The following ZRANB1 variants were observed in gnomAD, a reference collection of about 807,000 sequenced individuals.
The protein encoded by ZRANB1 is zinc finger RANBP2-type containing 1.
Under a neutral mutation model 80.5 loss-of-function variants are expected in ZRANB1, and 16 were observed. That is an observed-to-expected ratio of 0.20 (90% CI 0.13 to 0.30). The LOEUF (loss-of-function observed/expected upper bound fraction) is 0.30, where lower values mean the gene tolerates loss of function less well. Ranked by LOEUF, ZRANB1 falls within the 10% of genes least tolerant of loss-of-function variation. The pLI is 1.00. For missense variants in ZRANB1, 576 were observed against 862.6 expected (o/e 0.67, Z 4.16); for synonymous variants, 291 against 293.1 (o/e 0.99, Z 0.07).
At chr10:124,947,185 A>G (rs1335918892) in intron 1 of ZRANB1, among the ~76,000 whole-genome samples, 1 of 152,172 alleles carries the variant, frequency 6.6e-6, no homozygotes, top group Non-Finnish European at 1.5e-5. Flanking sequence ...GCTGTGCCAA[A>G]ACCTGATATC....
chr10:124,928,655 A>T, the ZRANB1 span, among the ~76,000 whole-genome samples: 1 of 152,364 alleles, frequency 6.6e-6, no homozygotes, highest in Admixed American at 6.5e-5. Context: ...TTAAACGTAT[A>T]CGAAATGTTG....
intron 5 of ZRANB1, among the ~76,000 whole-genome samples, chr10:124,977,556 C>T (rs938691741): frequency 2.6e-5 from 4 of 151,398 alleles, no homozygotes; most frequent in African/African-American, 9.7e-5. Flanking sequence ...CCAAAAAATA[C>T]AAAATTTAGC....
intron 1 of ZRANB1, among the ~76,000 whole-genome samples, chr10:124,944,097 CATAGG>C (rs1951559898): frequency 6.6e-6 from 1 of 152,136 alleles, no homozygotes; most frequent in East Asian, 1.9e-4. Flanking sequence ...AGGACAGAGA[CATAGG>C]AGAGCAGAGT....
chr10:124,934,217 G>A, the ZRANB1 span, among the ~76,000 whole-genome samples: 1 of 152,274 alleles, frequency 6.6e-6, no homozygotes, highest in African/African-American at 2.4e-5. Context: ...AGGTCACCCT[G>A]GCAGGTGTTA....
chr10:124,945,185 A>G (rs568866825), intron 1 of ZRANB1: 1 of 152,354 alleles, frequency 6.6e-6, no homozygotes, highest in East Asian at 1.9e-4. Context: ...GTGTTGTTCC[A>G]GAACATTTTC....
chr10:124,981,222 T>G (rs1951929618), intron 5 of ZRANB1, among the ~76,000 whole-genome samples: 1 of 152,206 alleles, frequency 6.6e-6, no homozygotes, highest in African/African-American at 2.4e-5. Context: ...TTTGAATTAT[T>G]AGGTGATCAT....
chr10:124,976,852 G>A (rs1013341692), intron 5 of ZRANB1, among the ~76,000 whole-genome samples: 3 of 151,216 alleles, frequency 2.0e-5, no homozygotes, highest in Non-Finnish European at 3.0e-5. Flanking sequence ...GATTACAGGC[G>A]TGAGCCACCG....
rs529912080 is a variant in ZRANB1 at position 124,947,247 on chromosome 10, T to C, written c.814+3940T>C. ...AGGGTGGTAAAGGTAGAGGTGTGAATGTAAATGTACAGTTGTCTCTGGAAT... is the reference window on the plus strand; with the variant it reads ...AGGGTGGTAAAGGTAGAGGTGTGAACGTAAATGTACAGTTGTCTCTGGAAT... On this transcript the variant is annotated intron_variant, in intron 1 of 8. Coordinates refer to ENST00000359653, the MANE Select transcript of ZRANB1 (RefSeq NM_017580.3). Among the ~76,000 whole-genome samples the C allele has an allele frequency of 2.8e-4, 42 of 152,290 alleles. No individual in the cohort carries two copies. The South Asian group carries it at 7.9e-3, about 29-fold the overall frequency.
the ZRANB1 span, among the ~76,000 whole-genome samples, chr10:124,927,257 G>A: frequency 6.6e-6 from 1 of 152,286 alleles, no homozygotes; most frequent in East Asian, 1.9e-4. Flanking sequence ...GCCCGGCCCT[G>A]TAATTCTCAA....
At chr10:124,965,617 A>AT (rs545610796) in intron 1 of ZRANB1, among the ~76,000 whole-genome samples, 10 of 152,266 alleles carry the variant, frequency 6.6e-5, no homozygotes, top group African/African-American at 1.2e-4. Flanking sequence ...CACTAAGAAT[A>AT]TTTTTTTACC....
intron 1 of ZRANB1, among the ~76,000 whole-genome samples, chr10:124,949,750 T>C (rs1035025589): frequency 6.6e-6 from 1 of 152,164 alleles, no homozygotes; most frequent in African/African-American, 2.4e-5. Context: ...TTCAGACTCC[T>C]GGACTCAAGT....
intron 5 of ZRANB1, among the ~76,000 whole-genome samples, chr10:124,974,631 T>G (rs1386320268): frequency 6.6e-6 from 1 of 152,250 alleles, no homozygotes; most frequent in Admixed American, 6.5e-5. Context: ...TTTTGCTAAA[T>G]TTTAAAATAG....
chr10:124,934,741 A>G, the ZRANB1 span, among the ~76,000 whole-genome samples: 1 of 152,192 alleles, frequency 6.6e-6, no homozygotes, highest in African/African-American at 2.4e-5. Context: ...TAGGGGAGAG[A>G]TCCAACTTGG....
intron 1 of ZRANB1, among the ~76,000 whole-genome samples, chr10:124,944,592 C>G (rs902622965): frequency 1.4e-4 from 21 of 148,802 alleles, no homozygotes; most frequent in African/African-American, 5.0e-4. Context: ...TTCAAGTGAC[C>G]TGCCATCTCA....
At chr10:124,927,620 A>T in the ZRANB1 span, among the ~76,000 whole-genome samples, 2 of 152,252 alleles carry the variant, frequency 1.3e-5, no homozygotes, top group Non-Finnish European at 1.5e-5. Flanking sequence ...AATGATTAAT[A>T]AGCAATGTTT....
the ZRANB1 span, among the ~76,000 whole-genome samples, chr10:124,918,435 CCGCCT>C: frequency 6.6e-6 from 1 of 152,196 alleles, no homozygotes; most frequent in Non-Finnish European, 1.5e-5. Flanking sequence ...GGTGATCTGC[CCGCCT>C]CGGCCTTCCA....
At chr10:124,937,006 G>A in the ZRANB1 span, among the ~76,000 whole-genome samples, 1 of 152,028 alleles carries the variant, frequency 6.6e-6, no homozygotes, top group Non-Finnish European at 1.5e-5. Context: ...CCGGGCTGGA[G>A]TGCAGTGGCG....
rs141774861 is a variant in ZRANB1, at chr10:124,968,103, G to A, written c.1002+1322G>A. ...AGAAAGGTGGGGTTTCACCATGTTG[G>A]CTAGGCTGGTCTTGAACTCCTGACC... On this transcript the variant is annotated intron_variant, in intron 2 of 8. Transcript: ENST00000359653. Among the ~76,000 whole-genome samples, 1,168 of 152,168 alleles carry A rather than the reference G, an allele frequency of 7.7e-3. 19 individuals carry two copies. The highest frequency in any genetic ancestry group is 0.027 in the African/African-American group (1,111 of 41,490).
chr10:124,983,355 C>T lies in ZRANB1; in HGVS notation c.1678+51C>T, dbSNP rs764865253. ...ACAAGTTTCTTTGAACGGAATGGCT[C>T]AGATGTCAGGAAGGAGCAGTGGACA... On this transcript the variant is annotated intron_variant, in intron 7 of 8. Transcript: ENST00000359653. The surrounding 1 kb of genome is among the most constrained non-coding windows in gnomAD (Gnocchi z 6.2). The T allele has an allele frequency of 6.9e-6, 11 of 1,605,346 alleles. No individual in the cohort carries two copies. In the African/African-American group the frequency reaches 8.0e-5, roughly 12 times the overall value.
Sources: allele counts gnomAD v4.1 joint callset (sites outside exome capture counted in the v4.1 genomes callset), GRCh38; gene constraint gnomAD v4.1.1; non-coding constraint Gnocchi (gnomAD v3.1); transcripts MANE v1.5; gene names NCBI Gene and HGNC (gene_info 2026-07-23, HGNC 2026-07-21).